The following ZNG1C variants were observed in gnomAD, a reference collection of about 807,000 sequenced individuals.
ZNG1C encodes the protein Zn regulated GTPase metalloprotein activator 1C, also known as zinc-regulated GTPase metalloprotein activator 1C.
the ZNG1C span, among the ~76,000 whole-genome samples, chr9:68,280,960 T>G: frequency 0.24 from 24,968 of 103,670 alleles, 2,843 homozygotes; most frequent in Middle Eastern, 0.34. Flanking sequence ...CAGTTTGATC[T>G]CAGACTGCTG....
At chr9:68,299,225 A>G in the ZNG1C span, 1 of 1,564,510 alleles carries the variant, frequency 6.4e-7, no homozygotes, top group African/African-American at 1.4e-5. Flanking sequence ...TCAATGTTTC[A>G]TCTTTGTCAC....
chr9:68,247,655 A>G, the ZNG1C span: 1 of 1,382,524 alleles, frequency 7.2e-7, no homozygotes, highest in African/African-American at 1.6e-5. Flanking sequence ...CAAGGTGGAG[A>G]GCTCTATGAA....
chr9:68,273,949 C>T, the ZNG1C span: 1 of 139,138 alleles, frequency 7.2e-6, no homozygotes, highest in East Asian at 2.0e-4. Context: ...AAATGATTCT[C>T]CTGCCGCAGC....
At chr9:68,267,141 C>T in the ZNG1C span, among the ~76,000 whole-genome samples, 120 of 151,858 alleles carry the variant, frequency 7.9e-4, no homozygotes, top group East Asian at 3.7e-3. Flanking sequence ...ATGCTTTGAG[C>T]GTGATGGCTC....
At chr9:68,298,774 T>C in the ZNG1C span, 1 of 789,578 alleles carries the variant, frequency 1.3e-6, no homozygotes, top group Non-Finnish European at 1.8e-6. Context: ...AGAAACCTTT[T>C]TTGAAAATTA....
At chr9:68,269,078 G>T in the ZNG1C span, 1 of 1,290,656 alleles carries the variant, frequency 7.7e-7, no homozygotes, top group South Asian at 1.4e-5. Flanking sequence ...ATATAAGAAA[G>T]ATCTAAGTGC....
chr9:68,281,168 T>A, the ZNG1C span, among the ~76,000 whole-genome samples: 1 of 151,634 alleles, frequency 6.6e-6, no homozygotes, highest in South Asian at 2.1e-4. Flanking sequence ...GCTTCCCAAG[T>A]GAGACAATGC....
chr9:68,277,012 G>A, the ZNG1C span, among the ~76,000 whole-genome samples: 42 of 8,370 alleles, frequency 5.0e-3, no homozygotes, highest in African/African-American at 0.013. Context: ...CCTTGAAGAG[G>A]TCCTTCACAT....
At chr9:68,284,070 CCTCCTGAGTAGCTGGGACTACAGG>C in the ZNG1C span, among the ~76,000 whole-genome samples, 1 of 110,174 alleles carries the variant, frequency 9.1e-6, no homozygotes, top group Non-Finnish European at 1.9e-5. Flanking sequence ...CCCATCTCAG[CCTCCTGAGTAGCTGGGACTACAGG>C]CTTGCACCCA....
the ZNG1C span, among the ~76,000 whole-genome samples, chr9:68,286,204 T>A: frequency 2.6e-5 from 1 of 38,612 alleles, no homozygotes; most frequent in South Asian, 7.5e-4. Context: ...TTTGACATAG[T>A]CTAATTCTAT....
the ZNG1C span, among the ~76,000 whole-genome samples, chr9:68,267,069 TA>T: frequency 1.3e-5 from 2 of 151,486 alleles, no homozygotes; most frequent in East Asian, 3.9e-4. Context: ...CCTGAACTAA[TA>T]AAAGCCCTAT....
chr9:68,267,251 A>C, the ZNG1C span, among the ~76,000 whole-genome samples: 2 of 152,354 alleles, frequency 1.3e-5, no homozygotes, highest in East Asian at 3.9e-4. Flanking sequence ...CAATAAAGGT[A>C]AGGCTCATTA....
chr9:68,291,852 C>T, the ZNG1C span, among the ~76,000 whole-genome samples: 440 of 149,910 alleles, frequency 2.9e-3, 2 homozygotes, highest in African/African-American at 0.01. Context: ...GAAAGTGCCA[C>T]CTCCCTGCAG....
chr9:68,247,308 C>A, the ZNG1C span, among the ~76,000 whole-genome samples: 1 of 150,730 alleles, frequency 6.6e-6, no homozygotes, highest in African/African-American at 2.4e-5. Flanking sequence ...GAAAGTTTAC[C>A]CTGGACAAGA....
the ZNG1C span, among the ~76,000 whole-genome samples, chr9:68,247,136 A>G: frequency 6.6e-6 from 1 of 152,200 alleles, no homozygotes; most frequent in Non-Finnish European, 1.5e-5. Flanking sequence ...CTGGCCAAAA[A>G]CCTTCCTCAG....
At chr9:68,276,229 G>A in the ZNG1C span, among the ~76,000 whole-genome samples, 75 of 116,212 alleles carry the variant, frequency 6.5e-4, no homozygotes, top group African/African-American at 1.7e-3. Context: ...AGTAGGTTGC[G>A]AAAATTTTCT....
chr9:68,258,011 C>T, the ZNG1C span, among the ~76,000 whole-genome samples: 1 of 70,916 alleles, frequency 1.4e-5, no homozygotes, highest in Admixed American at 1.6e-4. Flanking sequence ...AGTTTGGAAA[C>T]TTAGGCATAT....
chr9:68,279,616 A>C, the ZNG1C span, among the ~76,000 whole-genome samples: 3 of 137,180 alleles, frequency 2.2e-5, no homozygotes, highest in Non-Finnish European at 4.7e-5. Flanking sequence ...TCTTTTCTTT[A>C]AGAATGTTGA....
At chr9:68,297,451 A>G in the ZNG1C span, 2 of 351,642 alleles carry the variant, frequency 5.7e-6, no homozygotes, top group African/African-American at 1.1e-4. Flanking sequence ...TGAGGAAAGT[A>G]TAATACGTAA....
Sources: gnomAD v4.1 joint callset for allele counts (sites outside exome capture counted in the v4.1 genomes callset) on GRCh38, gnomAD v4.1.1 for gene constraint, MANE v1.5 for transcripts, NCBI Gene and HGNC (gene_info 2026-07-23, HGNC 2026-07-21) for gene names.